ADGRL4: variants seen among roughly 807,000 people sequenced by gnomAD.
The protein encoded by ADGRL4 is EGF, latrophilin and seven transmembrane domain containing 1.
ADGRL4 carries 90 observed loss-of-function variants against 74.8 expected under a neutral mutation model. The observed-to-expected ratio is 1.20, with a 90% CI of 1.02 to 1.43. ADGRL4 has a LOEUF of 1.43. Ranked by LOEUF, ADGRL4 falls within the 40% of genes most tolerant of loss-of-function variation. The pLI, the probability that ADGRL4 is intolerant of heterozygous loss-of-function variation, is 0.00. For missense variants in ADGRL4, 881 were observed against 814.3 expected (o/e 1.08, Z -1.00); for synonymous variants, 311 against 279.2 (o/e 1.11, Z -1.14).
At chr1:78,909,515 G>C (rs1648712756) in intron 12 of ADGRL4, among the ~76,000 whole-genome samples, 1 of 151,840 alleles carries the variant, frequency 6.6e-6, no homozygotes, top group South Asian at 2.1e-4. Context: ...GCACAGACAG[G>C]ACAGCCTCCA....
At chr1:78,919,928 T>C (rs1648960434) in intron 10 of ADGRL4, among the ~76,000 whole-genome samples, 1 of 151,974 alleles carries the variant, frequency 6.6e-6, no homozygotes, top group African/African-American at 2.4e-5. Flanking sequence ...AAAAAGTATT[T>C]ATTCAGTTTG....
intron 12 of ADGRL4, among the ~76,000 whole-genome samples, chr1:78,896,433 C>T (rs1648401256): frequency 6.6e-6 from 1 of 152,032 alleles, no homozygotes; most frequent in Non-Finnish European, 1.5e-5. Flanking sequence ...AAAAACCAAA[C>T]TGCTGTTCTT....
intron 2 of ADGRL4, among the ~76,000 whole-genome samples, chr1:78,999,839 T>TCTACCTACCTAC (rs1160580495): frequency 1.7e-4 from 19 of 111,574 alleles, no homozygotes; most frequent in African/African-American, 5.7e-4. Context: ...TATCTATCTA[T>TCTACCTACCTAC]CTACCTACCT....
At chr1:78,954,367 A>G (rs1649788684) in intron 2 of ADGRL4, among the ~76,000 whole-genome samples, 1 of 152,112 alleles carries the variant, frequency 6.6e-6, no homozygotes, top group South Asian at 2.1e-4. Context: ...GAATTTAAAA[A>G]ACAGGGAAAA....
intron 12 of ADGRL4, among the ~76,000 whole-genome samples, chr1:78,897,033 G>A (rs1557489610): frequency 6.6e-6 from 1 of 151,978 alleles, no homozygotes; most frequent in South Asian, 2.1e-4. Context: ...CCTGCCATGT[G>A]CTTATATTAA....
In ADGRL4 at chr1:78,938,247, T is replaced by G. The variant is rs368185894; in HGVS notation, c.429A>C (p.Leu143=). ...TCACAGAATTTCTATAGACTTCTTG[T>G]AGCAAAGCCACAGGTTCTTTTATGG... is the stretch of plus-strand genomic sequence containing the variant. ...IRSIKEPVAL[L]QEVYRNSVTD... Residue 143 remains leucine, a synonymous_variant, in exon 5 of 15, where the codon CTA becomes CTC. Transcript: ENST00000370742. 6.2e-7 allele frequency: 1 copy of G among 1,605,766 alleles called. No homozygotes were observed. Among genetic ancestry groups the G allele is most frequent in the East Asian group, 2.2e-5 (1 of 44,622 alleles).
chr1:79,006,559 C>T lies in ADGRL4; in HGVS notation c.22+74G>A, dbSNP rs143003461. The T allele has an allele frequency of 2.6e-3, 3,888 of 1,510,848 alleles. 13 individuals are homozygous for T. Among genetic ancestry groups the T allele is most frequent in the Non-Finnish European group, 2.5e-3 (2,782 of 1,122,798 alleles). The allele number at this position is 1,510,848 out of a possible 1,614,324, so 93.6% of individuals were successfully genotyped here. A position where few individuals can be genotyped will look rare whatever the true frequency, so the allele number is the denominator to read the frequency against. On this transcript the variant is annotated intron_variant, in intron 1 of 14. Transcript: ENST00000370742. ...TACACTTGCCATGTGAGCTCCACCTCTTAAAAAATCCAGTCCCCTACAAGG... is the reference window on the plus strand; with the variant it reads ...TACACTTGCCATGTGAGCTCCACCTTTTAAAAAATCCAGTCCCCTACAAGG...
intron 2 of ADGRL4, among the ~76,000 whole-genome samples, chr1:78,980,532 T>C (rs1557519663): frequency 2.0e-5 from 3 of 152,012 alleles, no homozygotes; most frequent in African/African-American, 7.2e-5. Context: ...CTTAATATTG[T>C]TAAAACACAA....
intron 3 of ADGRL4, among the ~76,000 whole-genome samples, chr1:78,941,901 T>G: frequency 6.6e-6 from 1 of 152,050 alleles, no homozygotes; most frequent in East Asian, 1.9e-4. Context: ...GGTAATATCT[T>G]AAAAAGACAC....
intron 2 of ADGRL4, among the ~76,000 whole-genome samples, chr1:78,975,773 C>A (rs10493618): frequency 0.23 from 34,837 of 151,558 alleles, 4,664 homozygotes; most frequent in Middle Eastern, 0.31. Context: ...CTAAGAGCAA[C>A]CTAGTATTTA....
intron 2 of ADGRL4, among the ~76,000 whole-genome samples, chr1:78,997,168 A>T (rs754225753): frequency 7.6e-5 from 6 of 79,162 alleles, no homozygotes; most frequent in South Asian, 3.3e-4. Context: ...GACCTAGATT[A>T]AAAAAAAAGA....
At chr1:78,912,635 C>G (rs990847898) in intron 12 of ADGRL4, among the ~76,000 whole-genome samples, 2 of 151,764 alleles carry the variant, frequency 1.3e-5, no homozygotes, top group African/African-American at 4.8e-5. Flanking sequence ...GATTTAAAAA[C>G]AATAGCTGAC....
rs1570225918 is a variant in ADGRL4 at position 78,917,617 on chromosome 1, A to T, written c.1749+17T>A. 1 of 1,287,528 alleles carries T rather than the reference A, an allele frequency of 7.8e-7. No individual in the cohort carries two copies. The highest frequency in any genetic ancestry group is 1.0e-6 in the Non-Finnish European group (1 of 956,070). 79.8% of individuals were successfully genotyped at this position (1,287,528 alleles called of 1,614,324 possible). On this transcript the variant is annotated intron_variant, in intron 12 of 14. Coordinates refer to ENST00000370742, the MANE Select transcript of ADGRL4 (RefSeq NM_022159.4). ...ATCACTTTTTTGAATTGTAATAACA[A>T]TTTTATATATACATACAAGAATGAT...
rs78002144 is a variant in ADGRL4 at position 78,915,716 on chromosome 1, C to T, written c.1749+1918G>A. Among the ~76,000 whole-genome samples the T allele has an allele frequency of 1.8e-3, 266 of 151,896 alleles. 2 individuals carry two copies. Among genetic ancestry groups the T allele is most frequent in the African/African-American group, 6.2e-3 (256 of 41,482 alleles). On this transcript the variant is annotated intron_variant, in intron 12 of 14. Coordinates refer to ENST00000370742, the MANE Select transcript of ADGRL4 (RefSeq NM_022159.4). ...TTTTTAAATGTTTGGTGTTCAATAT[C>T]TCTTTGACTTTATCTTTGAACTAGC...
intron 12 of ADGRL4, among the ~76,000 whole-genome samples, chr1:78,899,129 ATT>A (rs1648464676): frequency 6.6e-6 from 1 of 152,152 alleles, no homozygotes; most frequent in South Asian, 2.1e-4. Flanking sequence ...CCATGCTTAA[ATT>A]TTTCATAAAT....
rs1227411644 is a variant in ADGRL4 at position 79,005,060 on chromosome 1, G to C, written c.172+10C>G. ...AGTATAATCCAAAAGAAGTAACAAAGCTTGTTTACCTTCACAAATTGTGAC... is the reference window on the plus strand; with the variant it reads ...AGTATAATCCAAAAGAAGTAACAAACCTTGTTTACCTTCACAAATTGTGAC... On this transcript the variant is annotated intron_variant, in intron 2 of 14. Transcript: ENST00000370742. The C allele has an allele frequency of 3.7e-6, 6 of 1,608,978 alleles. No individual in the cohort carries two copies. Among genetic ancestry groups the C allele is most frequent in the Non-Finnish European group, 5.1e-6 (6 of 1,177,888 alleles).
chr1:78,897,432 A>G (rs989368298), intron 12 of ADGRL4, among the ~76,000 whole-genome samples: 4 of 152,070 alleles, frequency 2.6e-5, no homozygotes, highest in Non-Finnish European at 4.4e-5. Context: ...GAATCCTGTT[A>G]AGTCAGTTTA....
At chr1:78,953,320 T>C (rs1649767784) in intron 2 of ADGRL4, among the ~76,000 whole-genome samples, 1 of 152,204 alleles carries the variant, frequency 6.6e-6, no homozygotes, top group South Asian at 2.1e-4. Flanking sequence ...TTTGAGGAGC[T>C]AGTTTTATTG....
At chr1:79,003,062 G>T (rs1650876561) in intron 2 of ADGRL4, among the ~76,000 whole-genome samples, 1 of 151,962 alleles carries the variant, frequency 6.6e-6, no homozygotes, top group Non-Finnish European at 1.5e-5. Context: ...CAAGAAATAG[G>T]CATCCTCTGT....
Sources: gnomAD v4.1 joint callset for allele counts (sites outside exome capture counted in the v4.1 genomes callset) on GRCh38, gnomAD v4.1.1 for gene constraint, MANE v1.5 for transcripts, NCBI Gene and HGNC (gene_info 2026-07-23, HGNC 2026-07-21) for gene names.